Variants in RNASET2 observed in about 807,000 individuals in gnomAD.
RNASET2 encodes ribonuclease 6.
In RNASET2, 28 loss-of-function variants were observed where a neutral mutation model predicts 33.9. That is an observed-to-expected ratio of 0.83 (90% CI 0.61 to 1.13). The LOEUF is 1.13. Among genes scored for constraint, RNASET2 ranks in the 50% most tolerant of loss-of-function variants. The pLI is 0.00. For synonymous variants in RNASET2, 123 were observed against 121.0 expected (o/e 1.02, Z -0.11); for missense variants, 330 against 319.9 (o/e 1.03, Z -0.24).
In RNASET2 at chr6:166,946,789, G is replaced by GGGTGGTTGT. The variant is rs1778857654; in HGVS notation, c.204-51_204-50insACAACCACC. 2.6e-6 allele frequency: 3 copies of GGGTGGTTGT among 1,155,836 alleles called. No homozygotes were observed. In the African/African-American group the frequency reaches 4.6e-5, roughly 18 times the overall value. The allele number at this position is 1,155,836 out of a possible 1,614,324, so 71.6% of individuals were successfully genotyped here. A position where few individuals can be genotyped will look rare whatever the true frequency, so the allele number is the denominator to read the frequency against. ...AAATAAGAAATATTAGGCTTGGTTGGGGTGGCTTCTACATGACCTTAGAAA... is the reference window on the plus strand; with the variant it reads ...AAATAAGAAATATTAGGCTTGGTTGGGGTGGTTGTGGTGGCTTCTACATGACCTTAGAAA... On this transcript the variant is annotated intron_variant, in intron 3 of 8. Coordinates refer to ENST00000508775, the MANE Select transcript of RNASET2 (RefSeq NM_003730.6).
chr6:166,934,078 A>T lies in RNASET2; in HGVS notation c.492+13T>A. 1 of 1,604,438 alleles carries T rather than the reference A, an allele frequency of 6.2e-7. No individual in the cohort carries two copies. Among genetic ancestry groups the T allele is most frequent in the Non-Finnish European group, 8.5e-7 (1 of 1,171,254 alleles). On this transcript the variant is annotated intron_variant, in intron 7 of 8. Coordinates refer to ENST00000508775, the MANE Select transcript of RNASET2 (RefSeq NM_003730.6). The stretch of plus-strand genomic sequence containing the variant: ...GAGAGACACACGAGAAAAGAAGCAA[A>T]AGCAAGACTTACTTGGTAGTAATTG...
Position 166,929,442 on chromosome 6 carries a change from C to T in RNASET2, c.*146G>A. 2.3e-6 allele frequency: 2 copies of T among 865,240 alleles called. No individual in the cohort carries two copies. Among genetic ancestry groups the T allele is most frequent in the Non-Finnish European group, 3.8e-6 (2 of 522,392 alleles). The allele number at this position is 865,240 out of a possible 1,614,324, so 53.6% of individuals were successfully genotyped here. A position where few individuals can be genotyped will look rare whatever the true frequency, so the allele number is the denominator to read the frequency against. Reference sequence around the variant, plus strand: ...TCCCCGTGTACGCCACATGCACTCACTCTACAGGGACCACAACATCCAATT... The same window carrying T: ...TCCCCGTGTACGCCACATGCACTCATTCTACAGGGACCACAACATCCAATT... On this transcript the variant is annotated 3_prime_UTR_variant, in exon 9 of 9. Transcript: ENST00000508775.
At chr6:166,942,055 C>CTTCTTTTT (rs1778704520) in intron 5 of RNASET2, among the ~76,000 whole-genome samples, 1 of 33,442 alleles carries the variant, frequency 3.0e-5, no homozygotes, top group Admixed American at 3.3e-4. Flanking sequence ...TAGAAGACAT[C>CTTCTTTTT]TTCTTTTTTT....
At chr6:166,931,464 C>T in intron 7 of RNASET2, 2 of 388,186 alleles carry the variant, frequency 5.2e-6, no homozygotes, top group South Asian at 5.0e-5. Flanking sequence ...CCACCAACAA[C>T]TACTCTGCCT....
intron 5 of RNASET2, among the ~76,000 whole-genome samples, chr6:166,940,684 A>T (rs933999284): frequency 1.6e-4 from 24 of 152,112 alleles, no homozygotes; most frequent in African/African-American, 5.1e-4. Flanking sequence ...CAGATGTTGG[A>T]AATAGATTGA....
At chr6:166,941,106 T>A (rs756500980) in intron 5 of RNASET2, among the ~76,000 whole-genome samples, 4 of 152,174 alleles carry the variant, frequency 2.6e-5, no homozygotes, top group Admixed American at 6.5e-5. Flanking sequence ...TATTTTGTAT[T>A]TAGGAGCACT....
intron 4 of RNASET2, among the ~76,000 whole-genome samples, 196 bp downstream of exon 4, chr6:166,946,486 G>C (rs1182228679): frequency 6.6e-6 from 1 of 152,218 alleles, no homozygotes; most frequent in Non-Finnish European, 1.5e-5. Flanking sequence ...GGGGAGGGGA[G>C]GAGAGGGAAA....
chr6:166,926,013 C>T lies in RNASET2; in HGVS notation c.*3575G>A, dbSNP rs757066614. ...GAGAGTGGCACAAACACGGTGCCAGCGTCCAGCACTGACAGTCAGGTGGCG... is the reference window on the plus strand; with the variant it reads ...GAGAGTGGCACAAACACGGTGCCAGTGTCCAGCACTGACAGTCAGGTGGCG... On this transcript the variant is annotated 3_prime_UTR_variant, in exon 9 of 9. Transcript: ENST00000508775. Among the ~76,000 whole-genome samples the T allele has an allele frequency of 1.2e-4, 18 of 152,114 alleles. No individual in the cohort carries two copies. The highest frequency in any genetic ancestry group is 4.3e-4 in the African/African-American group (18 of 41,424).
At chr6:166,934,194 T>C (rs1170576835) in intron 6 of RNASET2, 58 bp from the exon 7 acceptor site, 2 of 1,103,558 alleles carry the variant, frequency 1.8e-6, no homozygotes, top group Non-Finnish European at 2.8e-6. Flanking sequence ...TGCTTTCTTG[T>C]TCTTTTCAGG....
rs1018035474 is a variant in RNASET2 at position 166,922,436 on chromosome 6, A to G, written c.*7152T>C. On this transcript the variant is annotated 3_prime_UTR_variant, in exon 9 of 9. Transcript: ENST00000508775. ...ATTTCCAGGAATTGCCATAGGCTAG[A>G]GTCTCAGGTGTATAAAATTTCACTC... Among the ~76,000 whole-genome samples the G allele has an allele frequency of 2.6e-5, 4 of 152,216 alleles. No homozygotes were observed. Among genetic ancestry groups the G allele is most frequent in the African/African-American group, 7.2e-5 (3 of 41,446 alleles).
At chr6:166,937,560 G>A (rs1265433426) in intron 6 of RNASET2, among the ~76,000 whole-genome samples, 1 of 152,134 alleles carries the variant, frequency 6.6e-6, no homozygotes, top group Non-Finnish European at 1.5e-5. Flanking sequence ...AAATTACATA[G>A]ATCAAATTAT....
chr6:166,943,187 T>TAAA, intron 4 of RNASET2, 98 bp from the exon 5 acceptor site: 2 of 824,754 alleles, frequency 2.4e-6, no homozygotes, highest in Non-Finnish European at 4.0e-6. Flanking sequence ...AGAATTGAGC[T>TAAA]CTGCTAATTA....
intron 5 of RNASET2, among the ~76,000 whole-genome samples, chr6:166,940,923 G>A (rs1778678538): frequency 1.3e-5 from 2 of 151,962 alleles, no homozygotes; most frequent in East Asian, 1.9e-4. Context: ...GCCAGTCCTC[G>A]GGGCTGGTTA....
chr6:166,930,666 C>A (rs956786405), intron 8 of RNASET2, among the ~76,000 whole-genome samples: 1 of 149,478 alleles, frequency 6.7e-6, no homozygotes, highest in African/African-American at 2.5e-5. Flanking sequence ...ACAGCACATG[C>A]GCACATGTAT....
intron 1 of RNASET2, among the ~76,000 whole-genome samples, chr6:166,954,409 T>A (rs895964770): frequency 1.3e-5 from 2 of 152,242 alleles, no homozygotes; most frequent in African/African-American, 4.8e-5. Flanking sequence ...CAAGTTACAT[T>A]CTGTACCTTA....
intron 1 of RNASET2, chr6:166,953,482 A>G (rs1268168910): frequency 6.6e-6 from 1 of 152,286 alleles, no homozygotes; most frequent in Non-Finnish European, 1.5e-5. Flanking sequence ...GTTGTCACAC[A>G]TTAGCTTTTG....
chr6:166,938,721 G>A (rs1410989787), intron 6 of RNASET2, 174 bp downstream of exon 6: 2 of 771,714 alleles, frequency 2.6e-6, no homozygotes, highest in Non-Finnish European at 4.8e-6. Context: ...ATCTGGAAAG[G>A]CTTGGTAGGC....
In RNASET2 at chr6:166,922,449, T is replaced by C. The variant is rs547427179; in HGVS notation, c.*7139A>G. Among the ~76,000 whole-genome samples, 1 of 152,294 alleles carries C rather than the reference T, an allele frequency of 6.6e-6. No individual in the cohort carries two copies. Among genetic ancestry groups the C allele is most frequent in the East Asian group, 1.9e-4 (1 of 5,188 alleles). On this transcript the variant is annotated 3_prime_UTR_variant, in exon 9 of 9. Coordinates refer to ENST00000508775, the MANE Select transcript of RNASET2 (RefSeq NM_003730.6). The stretch of plus-strand genomic sequence containing the variant: ...GCCATAGGCTAGAGTCTCAGGTGTA[T>C]AAAATTTCACTCATTGACTTAAGTG...
chr6:166,940,267 C>G (rs368701042), intron 5 of RNASET2, among the ~76,000 whole-genome samples: 9 of 152,220 alleles, frequency 5.9e-5, no homozygotes, highest in African/African-American at 1.7e-4. Flanking sequence ...ACTTATAAAG[C>G]ACTTATATGC....
Sources: gnomAD v4.1 joint callset for allele counts (sites outside exome capture counted in the v4.1 genomes callset) on GRCh38, gnomAD v4.1.1 for gene constraint, MANE v1.5 for transcripts, NCBI Gene and HGNC (gene_info 2026-07-23, HGNC 2026-07-21) for gene names.